PAX5: variants seen among roughly 807,000 people sequenced by gnomAD.
The protein encoded by PAX5 is paired box 5.
Under a neutral mutation model 43.7 loss-of-function variants are expected in PAX5, and 9 were observed. The ratio of observed to expected loss-of-function variants is 0.21; its 90% confidence interval spans 0.12 to 0.36. PAX5 has a LOEUF of 0.36. Ranked by LOEUF, PAX5 falls within the 10% of genes least tolerant of loss-of-function variation. The pLI is 1.00. For synonymous variants in PAX5, 228 were observed against 214.3 expected (o/e 1.06, Z -0.56); for missense variants, 383 against 532.7 (o/e 0.72, Z 2.77).
intron 8 of PAX5, among the ~76,000 whole-genome samples, chr9:36,859,737 A>G (rs1182325520): frequency 2.0e-5 from 3 of 152,186 alleles, no homozygotes; most frequent in Non-Finnish European, 4.4e-5. Context: ...CTTGCTGCAC[A>G]TTAAGAATCA....
At chr9:36,886,110 A>G (rs899960725) in intron 7 of PAX5, among the ~76,000 whole-genome samples, 1 of 152,066 alleles carries the variant, frequency 6.6e-6, no homozygotes, top group African/African-American at 2.4e-5. Context: ...GCACATGTGG[A>G]GCAGAGATGG....
intron 2 of PAX5, among the ~76,000 whole-genome samples, chr9:37,018,806 A>T (rs1588243198): frequency 6.6e-6 from 1 of 152,262 alleles, no homozygotes; most frequent in South Asian, 2.1e-4. Context: ...CTACCTAGTG[A>T]CAAATCTATT....
chr9:36,918,623 T>C (rs1014083966), intron 7 of PAX5, among the ~76,000 whole-genome samples: 2 of 152,092 alleles, frequency 1.3e-5, no homozygotes, highest in African/African-American at 4.8e-5. Flanking sequence ...ATTGCACCAC[T>C]GCACTCCAGC....
At chr9:36,924,433 T>C (rs553668005) in intron 6 of PAX5, among the ~76,000 whole-genome samples, 64 of 152,108 alleles carry the variant, frequency 4.2e-4, no homozygotes, top group Non-Finnish European at 8.7e-4. Flanking sequence ...AAAGAAAATA[T>C]ATGCGGCTGG....
At position 36,927,748 on chromosome 9, in the gene PAX5, A is replaced by T. The variant is rs1333119406; in HGVS notation, c.781-4264T>A. ...TTTTGAGACAAAGTCTTGCTCTGTC[A>T]CCCAGGCTGGTGTGCAGTGGCACGA... On this transcript the variant is annotated intron_variant, in intron 6 of 9. Transcript: ENST00000358127. Among the ~76,000 whole-genome samples the T allele has an allele frequency of 2.1e-5, 3 of 145,414 alleles. No homozygotes were observed. The East Asian group carries it at 6.0e-4, about 29-fold the overall frequency.
chr9:37,032,403 G>A (rs577136140), intron 1 of PAX5, among the ~76,000 whole-genome samples: 1 of 152,272 alleles, frequency 6.6e-6, no homozygotes, highest in Admixed American at 6.5e-5. Context: ...CTCTCTGAAA[G>A]TCCATCTGCT....
rs2132092975 is a variant in PAX5, at chr9:36,948,187, G to A, written c.780+18362C>T. On this transcript the variant is annotated intron_variant, in intron 6 of 9. Transcript: ENST00000358127. ...AATCACACAGCCAGCAGGTACGCAC[G>A]CCAGGTTCCAGGACCAGGGACTCCA... is the stretch of plus-strand genomic sequence containing the variant. 3.9e-5 allele frequency among the ~76,000 whole-genome samples: 6 copies of A among 152,268 alleles called. 1 individual carries two copies. The South Asian group carries it at 1.2e-3, about 32-fold the overall frequency.
intron 8 of PAX5, 63 bp from the exon 9 acceptor site, chr9:36,846,992 C>T (rs1822658147): frequency 2.4e-6 from 3 of 1,225,658 alleles, no homozygotes; most frequent in Admixed American, 3.6e-5. Context: ...AGAAAAGGCC[C>T]TGGGTCCCAG....
chr9:36,957,843 G>A (rs1833616481), intron 6 of PAX5, among the ~76,000 whole-genome samples: 1 of 152,062 alleles, frequency 6.6e-6, no homozygotes, highest in Non-Finnish European at 1.5e-5. Context: ...AGAAGTCAAC[G>A]CAAACTACGA....
At chr9:36,973,135 A>AAAGGAAAGGAAAGG (rs1564026797) in intron 5 of PAX5, among the ~76,000 whole-genome samples, 5 of 74,768 alleles carry the variant, frequency 6.7e-5, no homozygotes, top group East Asian at 3.1e-4. Flanking sequence ...GAAAGGAAAG[A>AAAGGAAAGGAAAGG]AAAGGAAAGG....
intron 6 of PAX5, among the ~76,000 whole-genome samples, chr9:36,943,509 A>C: frequency 7.1e-6 from 1 of 140,494 alleles, no homozygotes; most frequent in Admixed American, 7.4e-5. Context: ...ATTGCTGAGT[A>C]TTTGTGGATT....
At chr9:37,007,008 G>T (rs1838459536) in intron 3 of PAX5, among the ~76,000 whole-genome samples, 1 of 152,142 alleles carries the variant, frequency 6.6e-6, no homozygotes, top group Non-Finnish European at 1.5e-5. Context: ...TGGTTTCTCT[G>T]CCCTAGAGAA....
chr9:36,903,585 G>A (rs1486363116), intron 7 of PAX5, among the ~76,000 whole-genome samples: 1 of 152,198 alleles, frequency 6.6e-6, no homozygotes, highest in African/African-American at 2.4e-5. Flanking sequence ...GGCCCAGGCA[G>A]GAACATGAAA....
At chr9:36,960,262 G>C (rs760469324) in intron 6 of PAX5, among the ~76,000 whole-genome samples, 1 of 152,182 alleles carries the variant, frequency 6.6e-6, no homozygotes, top group Non-Finnish European at 1.5e-5. Flanking sequence ...AATAACTGTA[G>C]TACCTGTCAC....
At chr9:37,010,809 C>T (rs2132447547) in intron 3 of PAX5, among the ~76,000 whole-genome samples, 1 of 152,262 alleles carries the variant, frequency 6.6e-6, no homozygotes, top group South Asian at 2.1e-4. Flanking sequence ...TCCAACTGTG[C>T]CAAGCTGCAA....
chr9:36,889,463 T>C (rs1827181955), intron 7 of PAX5, among the ~76,000 whole-genome samples: 1 of 152,204 alleles, frequency 6.6e-6, no homozygotes, highest in Non-Finnish European at 1.5e-5. Context: ...CCTCAAAAAC[T>C]CTGTAAGGTG....
chr9:36,910,442 C>A (rs1035839285), intron 7 of PAX5, among the ~76,000 whole-genome samples: 1 of 152,220 alleles, frequency 6.6e-6, no homozygotes, highest in African/African-American at 2.4e-5. Context: ...CTGTATATAA[C>A]AAGGTCTCCA....
chr9:36,877,982 C>T (rs1826071649), intron 8 of PAX5, among the ~76,000 whole-genome samples: 1 of 152,172 alleles, frequency 6.6e-6, no homozygotes, highest in Non-Finnish European at 1.5e-5. Flanking sequence ...CAGGGAAACA[C>T]TGAAAACTCC....
At chr9:36,954,810 T>C (rs1833315781) in intron 6 of PAX5, among the ~76,000 whole-genome samples, 1 of 152,208 alleles carries the variant, frequency 6.6e-6, no homozygotes, top group Non-Finnish European at 1.5e-5. Flanking sequence ...GCCTCTTTTC[T>C]CTGTTTTTAT....
Sources: gnomAD v4.1 joint callset for allele counts (sites outside exome capture counted in the v4.1 genomes callset) on GRCh38, gnomAD v4.1.1 for gene constraint, MANE v1.5 for transcripts, NCBI Gene and HGNC (gene_info 2026-07-23, HGNC 2026-07-21) for gene names.